The following SLC26A7 variants were observed in gnomAD, a reference collection of about 807,000 sequenced individuals.
The protein encoded by SLC26A7 is anion exchange transporter.
A neutral mutation model predicts 82.5 loss-of-function variants in SLC26A7; 59 were observed. The observed-to-expected ratio is 0.72, with a 90% CI of 0.58 to 0.89. The LOEUF is 0.89. Ranked by LOEUF, SLC26A7 falls within the 40% of genes least tolerant of loss-of-function variation. The pLI, the probability that SLC26A7 is intolerant of heterozygous loss-of-function variation, is 0.00. For missense variants in SLC26A7, 820 were observed against 793.0 expected (o/e 1.03, Z -0.41); for synonymous variants, 271 against 274.3 (o/e 0.99, Z 0.12).
chr8:91,215,054 C>T (rs1299964214), intron 1 of SLC26A7, among the ~76,000 whole-genome samples: 2 of 152,024 alleles, frequency 1.3e-5, no homozygotes, highest in African/African-American at 4.8e-5. Context: ...CTTTTATCTC[C>T]TTCTTCCACT....
chr8:91,364,257 C>A (rs1019516028), intron 13 of SLC26A7, among the ~76,000 whole-genome samples: 2 of 152,010 alleles, frequency 1.3e-5, no homozygotes. Context: ...GTTTGGCTAA[C>A]CTTTTTCCGT....
At chr8:91,338,445 C>A (rs1437847845) in intron 7 of SLC26A7, among the ~76,000 whole-genome samples, 1 of 152,118 alleles carries the variant, frequency 6.6e-6, no homozygotes, top group Non-Finnish European at 1.5e-5. Flanking sequence ...CTTTATGCAG[C>A]ATTGCTTCAG....
chr8:91,321,765 C>G (rs1812796842), intron 5 of SLC26A7, among the ~76,000 whole-genome samples: 1 of 152,058 alleles, frequency 6.6e-6, no homozygotes, highest in Non-Finnish European at 1.5e-5. Context: ...TCTTTGTAAA[C>G]TTTAAAGATT....
In SLC26A7 at chr8:91,334,463, A is replaced by G. The variant is rs1813184907; in HGVS notation, c.795+16A>G. The G allele has an allele frequency of 6.2e-7, 1 of 1,603,486 alleles. No homozygotes were observed. The highest frequency in any genetic ancestry group is 8.5e-7 in the Non-Finnish European group (1 of 1,175,224). On this transcript the variant is annotated intron_variant, in intron 6 of 18. Transcript: ENST00000276609. ...TTTAGTTTTGGTAAGTATAAAATCA[A>G]CATTTAGCTTTTTGCCATGCAAAGC...
At chr8:91,319,627 C>A (rs1371455776) in intron 5 of SLC26A7, among the ~76,000 whole-genome samples, 2 of 152,204 alleles carry the variant, frequency 1.3e-5, no homozygotes, top group East Asian at 3.8e-4. Flanking sequence ...CAAACAAAAG[C>A]AGACCAAAGT....
intron 4 of SLC26A7, among the ~76,000 whole-genome samples, chr8:91,300,268 A>C (rs1812126074): frequency 6.6e-6 from 1 of 152,066 alleles, no homozygotes; most frequent in Admixed American, 6.6e-5. Flanking sequence ...TTTCTTTACC[A>C]TTATGTCCTC....
chr8:91,279,664 A>T (rs947454541), intron 2 of SLC26A7, among the ~76,000 whole-genome samples: 1 of 152,022 alleles, frequency 6.6e-6, no homozygotes, highest in Non-Finnish European at 1.5e-5. Context: ...GGTTCACGCC[A>T]TTCTCCTGCC....
intron 4 of SLC26A7, among the ~76,000 whole-genome samples, chr8:91,309,710 C>A (rs530161027): frequency 2.0e-5 from 3 of 151,958 alleles, no homozygotes; most frequent in Non-Finnish European, 4.4e-5. Flanking sequence ...GTCAAGAGGG[C>A]CAACTGAGAG....
chr8:91,231,562 TTTC>T (rs1810311242), intron 2 of SLC26A7, among the ~76,000 whole-genome samples: 1 of 152,172 alleles, frequency 6.6e-6, no homozygotes, highest in Non-Finnish European at 1.5e-5. Flanking sequence ...TTCCTTTTCT[TTTC>T]TTTTTTCTTT....
intron 2 of SLC26A7, among the ~76,000 whole-genome samples, chr8:91,231,360 A>G (rs1256439066): frequency 2.0e-5 from 3 of 152,176 alleles, no homozygotes; most frequent in Admixed American, 2.0e-4. Flanking sequence ...TGAACAATTA[A>G]CTTATTTCCT....
intron 2 of SLC26A7, among the ~76,000 whole-genome samples, chr8:91,259,684 A>T (rs1288338005): frequency 1.3e-5 from 2 of 152,068 alleles, no homozygotes; most frequent in Non-Finnish European, 2.9e-5. Context: ...GGACATTTGC[A>T]CATGGTATTT....
upstream of SLC26A7, among the ~76,000 whole-genome samples, chr8:91,246,670 G>T (rs547943231): frequency 1.1e-4 from 16 of 151,294 alleles, no homozygotes; most frequent in Admixed American, 5.3e-4. Context: ...ATCGCACTCC[G>T]GCCTGGGAGT....
chr8:91,342,659 A>G (rs988564826), intron 8 of SLC26A7, among the ~76,000 whole-genome samples: 3 of 152,330 alleles, frequency 2.0e-5, no homozygotes, highest in South Asian at 4.1e-4. Context: ...CTGTAGCCCA[A>G]TTTAGGAAGT....
intron 15 of SLC26A7, among the ~76,000 whole-genome samples, chr8:91,387,017 A>C (rs1814819863): frequency 6.6e-6 from 1 of 152,084 alleles, no homozygotes; most frequent in African/African-American, 2.4e-5. Flanking sequence ...TATATATTTT[A>C]CCTATGTATA....
chr8:91,375,883 G>A (rs1013241041), intron 15 of SLC26A7, among the ~76,000 whole-genome samples: 1 of 151,802 alleles, frequency 6.6e-6, no homozygotes, highest in Non-Finnish European at 1.5e-5. Flanking sequence ...TAAGTTATAG[G>A]TTTAGTTGTA....
chr8:91,342,539 C>T (rs964803269), intron 8 of SLC26A7, among the ~76,000 whole-genome samples: 81 of 152,134 alleles, frequency 5.3e-4, no homozygotes, highest in African/African-American at 1.7e-3. Flanking sequence ...GGGTGCCATT[C>T]GGGAAAAGAA....
Position 91,265,286 on chromosome 8 carries a change from G to A in SLC26A7, c.193+15442G>A, listed in dbSNP as rs1811080865. 2.0e-5 allele frequency among the ~76,000 whole-genome samples: 3 copies of A among 152,146 alleles called. No homozygotes were observed. The South Asian group carries it at 6.2e-4, about 32-fold the overall frequency. On this transcript the variant is annotated intron_variant, in intron 2 of 18. Transcript: ENST00000276609. ...CTGCAGTTTCTTTATTCATTTGTCT[G>A]TTGATAAATACTTAGATTGATTTCA...
At chr8:91,261,865 G>A (rs982574045) in intron 2 of SLC26A7, among the ~76,000 whole-genome samples, 2 of 152,104 alleles carry the variant, frequency 1.3e-5, no homozygotes, top group Non-Finnish European at 2.9e-5. Flanking sequence ...TAAAGCTAAG[G>A]TTTGGATGGA....
chr8:91,215,432 A>T (rs998542233), intron 1 of SLC26A7, among the ~76,000 whole-genome samples: 1 of 152,164 alleles, frequency 6.6e-6, no homozygotes, highest in African/African-American at 2.4e-5. Flanking sequence ...AATGATTTTT[A>T]AAAATTTCTC....
Sources: gnomAD v4.1 joint callset for allele counts (sites outside exome capture counted in the v4.1 genomes callset) on GRCh38, gnomAD v4.1.1 for gene constraint, MANE v1.5 for transcripts, NCBI Gene and HGNC (gene_info 2026-07-23, HGNC 2026-07-21) for gene names.